The following EBF1 variants were observed in gnomAD, a reference collection of about 807,000 sequenced individuals.
The protein encoded by EBF1 is EBF transcription factor 1.
In EBF1, 10 loss-of-function variants were observed where a neutral mutation model predicts 68.4. The ratio of observed to expected loss-of-function variants is 0.15; its 90% CI spans 0.09 to 0.25. The LOEUF is 0.25. Ranked by LOEUF, EBF1 falls within the 10% of genes least tolerant of loss-of-function variation. The pLI, the probability that EBF1 is intolerant of heterozygous loss-of-function variation, is 1.00. For synonymous variants in EBF1, 298 were observed against 299.8 expected (o/e 0.99, Z 0.06); for missense variants, 509 against 794.4 (o/e 0.64, Z 4.32).
chr5:159,082,217 C>G (rs901301472), intron 5 of EBF1, among the ~76,000 whole-genome samples: 5 of 152,146 alleles, frequency 3.3e-5, no homozygotes, highest in Admixed American at 6.5e-5. Context: ...GTGTCTCCTT[C>G]ACCATAGCCA....
chr5:158,748,913 A>G (rs1165279683), intron 10 of EBF1, among the ~76,000 whole-genome samples: 1 of 152,194 alleles, frequency 6.6e-6, no homozygotes, highest in Non-Finnish European at 1.5e-5. Context: ...GGGGGGAAGA[A>G]AACTAATTGC....
chr5:158,762,082 G>T (rs1393070889), intron 10 of EBF1, among the ~76,000 whole-genome samples: 1 of 152,108 alleles, frequency 6.6e-6, no homozygotes, highest in Non-Finnish European at 1.5e-5. Context: ...GCATTGCAGT[G>T]CACAATTTAT....
intron 12 of EBF1, among the ~76,000 whole-genome samples, chr5:158,713,809 T>C (rs1027450645): frequency 6.6e-6 from 1 of 152,218 alleles, no homozygotes; most frequent in South Asian, 2.1e-4. Context: ...TAAATTTGCT[T>C]GAAAACCTGA....
intron 13 of EBF1, among the ~76,000 whole-genome samples, chr5:158,712,611 T>C (rs1759650015): frequency 6.6e-6 from 1 of 152,124 alleles, no homozygotes; most frequent in South Asian, 2.1e-4. Context: ...CAGAAATAAA[T>C]CCCGATCTAA....
chr5:158,780,592 G>T (rs917706906), intron 9 of EBF1, among the ~76,000 whole-genome samples: 1 of 152,114 alleles, frequency 6.6e-6, no homozygotes, highest in Non-Finnish European at 1.5e-5. Flanking sequence ...AAATAAGAAG[G>T]TATTGTAGAT....
rs368188751 is a variant in EBF1, at chr5:159,064,387, G to C, written c.554+9009C>G. ...AAAAGGGAAAAAAATCAGTCTGGGA[G>C]ATAGGAGATGTGGAGTTTCTAATCA... On this transcript the variant is annotated intron_variant, in intron 6 of 15. Coordinates refer to ENST00000313708, the MANE Select transcript of EBF1 (RefSeq NM_024007.5). Among the ~76,000 whole-genome samples, 7 of 152,216 alleles carry C rather than the reference G, an allele frequency of 4.6e-5. No homozygotes were observed. In the East Asian group the frequency reaches 5.8e-4, roughly 13 times the overall value.
In EBF1 at chr5:159,053,626, C is replaced by CAT. The variant is rs1448886800; in HGVS notation, c.554+19769_554+19770insAT. Among the ~76,000 whole-genome samples the CAT allele has an allele frequency of 7.1e-3, 1,085 of 152,022 alleles. 9 individuals carry two copies. Among genetic ancestry groups the CAT allele is most frequent in the African/African-American group, 0.025 (1,025 of 41,404 alleles). On this transcript the variant is annotated intron_variant, in intron 6 of 15. Coordinates refer to ENST00000313708, the MANE Select transcript of EBF1 (RefSeq NM_024007.5). ...TCTCTCACACACACACACACACACA[C>CAT]ACACACACACACCCCAGACATGGGA...
At chr5:158,892,002 T>C (rs1305948569) in intron 6 of EBF1, among the ~76,000 whole-genome samples, 1 of 152,192 alleles carries the variant, frequency 6.6e-6, no homozygotes, top group Non-Finnish European at 1.5e-5. Flanking sequence ...ATGGATTTCA[T>C]CCACAATTGC....
intron 7 of EBF1, among the ~76,000 whole-genome samples, chr5:158,823,774 G>A (rs547183529): frequency 6.6e-6 from 1 of 152,238 alleles, no homozygotes; most frequent in East Asian, 1.9e-4. Flanking sequence ...TTCAGTAAGA[G>A]CAGGGATGCA....
intron 10 of EBF1, 97 bp from the exon 11 acceptor site, chr5:158,731,254 A>G (rs1764031602): frequency 1.8e-6 from 2 of 1,087,834 alleles, no homozygotes; most frequent in East Asian, 5.1e-5. Flanking sequence ...GGAAGTCCAA[A>G]GTTTAACTGA....
chr5:158,712,101 C>T (rs1759484491), intron 14 of EBF1, 53 bp downstream of exon 14: 1 of 1,597,344 alleles, frequency 6.3e-7, no homozygotes, highest in Admixed American at 1.7e-5. Flanking sequence ...TGGCATGATG[C>T]CAAGTTCTTC....
chr5:158,830,659 G>A (rs1426217352), intron 7 of EBF1, among the ~76,000 whole-genome samples: 2 of 152,140 alleles, frequency 1.3e-5, no homozygotes, highest in Non-Finnish European at 2.9e-5. Context: ...CTGTGTGACC[G>A]ACTACAGTTT....
chr5:159,097,767 T>G (rs1382102956), intron 1 of EBF1: 2 of 233,268 alleles, frequency 8.6e-6, no homozygotes, highest in African/African-American at 4.4e-5. Flanking sequence ...TAAAGACCTG[T>G]CCTAACAAAG....
At chr5:159,017,292 T>G (rs1199586585) in intron 6 of EBF1, among the ~76,000 whole-genome samples, 2 of 152,240 alleles carry the variant, frequency 1.3e-5, no homozygotes, top group African/African-American at 4.8e-5. Flanking sequence ...TTCATAGTGA[T>G]TTAAATTTTT....
intron 13 of EBF1, 46 bp from the exon 14 acceptor site, chr5:158,712,379 G>A: frequency 1.3e-6 from 2 of 1,599,832 alleles, no homozygotes; most frequent in Non-Finnish European, 1.7e-6. Flanking sequence ...CATTCAGATG[G>A]TGGCAATCCT....
chr5:158,929,202 C>G lies in EBF1; in HGVS notation c.555-89092G>C, dbSNP rs181523403. ...ACATATAATATTAAAAGATTTAGAG[C>G]GTCCTGGTCCACAGATGAATCGCGT... On this transcript the variant is annotated intron_variant, in intron 6 of 15. Coordinates refer to ENST00000313708, the MANE Select transcript of EBF1 (RefSeq NM_024007.5). 5.7e-3 allele frequency among the ~76,000 whole-genome samples: 863 copies of G among 152,218 alleles called. 13 individuals are homozygous for G. The highest frequency in any genetic ancestry group is 0.02 in the African/African-American group (834 of 41,530).
intron 6 of EBF1, among the ~76,000 whole-genome samples, chr5:158,970,342 G>T (rs1188843253): frequency 1.3e-5 from 2 of 152,116 alleles, no homozygotes; most frequent in African/African-American, 4.8e-5. Context: ...TTCTTAATTA[G>T]GTTTTCTTTA....
At position 159,099,547 on chromosome 5, in the gene EBF1, G is replaced by C; in HGVS notation, c.-69C>G. 4 of 1,290,800 alleles carry C rather than the reference G, an allele frequency of 3.1e-6. No individual in the cohort carries two copies. Among genetic ancestry groups the C allele is most frequent in the Non-Finnish European group, 4.0e-6 (4 of 996,050 alleles). 80.0% of individuals were successfully genotyped at this position (1,290,800 alleles called of 1,614,324 possible). On this transcript the variant is annotated 5_prime_UTR_variant, in exon 1 of 16. Transcript: ENST00000313708. ...AAATTAAAAAAAAAAAAAAAGGAAA[G>C]AAAAGAAAGAAAAGAAAAGAAACAA...
chr5:159,045,820 A>G (rs1772265363), intron 6 of EBF1, among the ~76,000 whole-genome samples: 1 of 152,224 alleles, frequency 6.6e-6, no homozygotes, highest in Non-Finnish European at 1.5e-5. Context: ...TCAAGATAAC[A>G]TGAACATTAG....
Sources: allele counts gnomAD v4.1 joint callset (sites outside exome capture counted in the v4.1 genomes callset), GRCh38; gene constraint gnomAD v4.1.1; transcripts MANE v1.5; gene names NCBI Gene and HGNC (gene_info 2026-07-23, HGNC 2026-07-21).